The following WDR37 variants were observed in gnomAD, a reference collection of about 807,000 sequenced individuals.
WDR37 encodes the protein WD repeat domain 37, also known as WD repeat-containing protein 37.
In WDR37, 19 loss-of-function variants were observed where a neutral mutation model predicts 62.9. That is an observed-to-expected ratio of 0.30 (90% CI 0.21 to 0.44). The LOEUF (loss-of-function observed/expected upper bound fraction) is 0.44, where lower values mean the gene tolerates loss of function less well. WDR37 is among the 20% of genes least tolerant of loss of function. WDR37 has a pLI of 1.00. For missense variants in WDR37, 474 were observed against 657.6 expected (o/e 0.72, Z 3.05); for synonymous variants, 250 against 260.9 (o/e 0.96, Z 0.40).
At chr10:1,127,326 T>C (rs1269538373) in intron 13 of WDR37, among the ~76,000 whole-genome samples, 1 of 152,238 alleles carries the variant, frequency 6.6e-6, no homozygotes, top group Non-Finnish European at 1.5e-5. Context: ...CTGGGTTTAT[T>C]CCCTCCTAAA....
intron 11 of WDR37, among the ~76,000 whole-genome samples, chr10:1,119,874 C>G (rs559370869): frequency 6.6e-6 from 1 of 152,090 alleles, no homozygotes; most frequent in East Asian, 1.9e-4. Flanking sequence ...TTATTTCTGC[C>G]GAGAGGGGTT....
intron 13 of WDR37, among the ~76,000 whole-genome samples, chr10:1,126,301 G>A (rs992049789): frequency 6.6e-6 from 1 of 151,236 alleles, no homozygotes; most frequent in Non-Finnish European, 1.5e-5. Flanking sequence ...AGCTACTCGG[G>A]AGGCTGAGGC....
chr10:1,126,409 A>AAC (rs1456909545), intron 13 of WDR37, among the ~76,000 whole-genome samples: 2 of 151,154 alleles, frequency 1.3e-5, no homozygotes, highest in African/African-American at 2.4e-5. Context: ...GTGTCTCAGA[A>AAC]AAAAAAAAAA....
intron 10 of WDR37, among the ~76,000 whole-genome samples, chr10:1,104,146 G>A (rs1235323388): frequency 2.0e-5 from 3 of 152,122 alleles, no homozygotes; most frequent in African/African-American, 4.8e-5. Flanking sequence ...AGGAATTGAC[G>A]GCCTCATGGT....
At position 1,056,980 on chromosome 10, in the gene WDR37, C is replaced by T. The variant is rs1423295463; in HGVS notation, c.-41+12C>T. 6.5e-6 allele frequency: 1 copy of T among 152,698 alleles called. No individual in the cohort carries two copies. Among genetic ancestry groups the T allele is most frequent in the East Asian group, 1.9e-4 (1 of 5,204 alleles). 9.5% of individuals were successfully genotyped at this position (152,698 alleles called of 1,614,324 possible). A position where few individuals can be genotyped will look rare whatever the true frequency, so the allele number is the denominator to read the frequency against. ...AGCTGCTGTGACAGGTGAGTGCCGC[C>T]ATCTTCCTACCTGTCAGGCGCCGAG... is the stretch of plus-strand genomic sequence containing the variant. On this transcript the variant is annotated intron_variant, in intron 1 of 13. Coordinates refer to ENST00000263150, the MANE Select transcript of WDR37 (RefSeq NM_014023.4).
In WDR37 at chr10:1,086,796, T is replaced by G. The variant is rs529077239; in HGVS notation, c.604+439T>G. On this transcript the variant is annotated intron_variant, in intron 7 of 13. Transcript: ENST00000263150. ...ACGGAGTGAATGCTGTCCACGTAGT[T>G]AACGCTGTCCATGTAGTTAGTTAAC... Among the ~76,000 whole-genome samples, 3 of 148,558 alleles carry G rather than the reference T, an allele frequency of 2.0e-5. No homozygotes were observed. In the South Asian group the frequency reaches 6.4e-4, roughly 32 times the overall value.
In WDR37 at chr10:1,080,395, A is replaced by G. The variant is rs760213513; in HGVS notation, c.332-17A>G. On this transcript the variant is annotated splice_polypyrimidine_tract_variant and intron_variant, in intron 4 of 13. Transcript: ENST00000263150. ...GATTGTGTGATTGTGTTTGATTGTC[A>G]CTCTCTGTCCCTGCAGCCAGTCACA... 8.7e-6 allele frequency: 14 copies of G among 1,613,606 alleles called. No homozygotes were observed. The highest frequency in any genetic ancestry group is 1.2e-5 in the Non-Finnish European group (14 of 1,179,940).
chr10:1,064,812 G>A, intron 1 of WDR37, among the ~76,000 whole-genome samples: 1 of 151,892 alleles, frequency 6.6e-6, no homozygotes, highest in East Asian at 1.9e-4. Flanking sequence ...GGCTGGTCTT[G>A]AACTCCTGAC....
intron 11 of WDR37, among the ~76,000 whole-genome samples, chr10:1,116,273 A>G (rs1589120040): frequency 7.2e-6 from 1 of 139,716 alleles, no homozygotes; most frequent in African/African-American, 2.8e-5. Flanking sequence ...TCCATCACCC[A>G]CCCCGCCCCG....
chr10:1,126,280 T>G (rs181882603), intron 13 of WDR37, among the ~76,000 whole-genome samples: 1 of 151,438 alleles, frequency 6.6e-6, no homozygotes, highest in Admixed American at 6.6e-5. Flanking sequence ...GTGGCGGGCG[T>G]CTGTAGTCCC....
In WDR37 at chr10:1,105,389, A is replaced by G. The variant is rs1262830391; in HGVS notation, c.1103+122A>G. The G allele has an allele frequency of 6.4e-6, 8 of 1,252,156 alleles. No homozygotes were observed. The East Asian group carries it at 1.8e-4, about 28-fold the overall frequency. The allele number at this position is 1,252,156 out of a possible 1,614,324, so 77.6% of individuals were successfully genotyped here. ...GACTCTACTATCTTTCAAAAAAATA[A>G]CTACCTTTCAAATTCTGCTATTCTT... On this transcript the variant is annotated intron_variant, in intron 11 of 13. Coordinates refer to ENST00000263150, the MANE Select transcript of WDR37 (RefSeq NM_014023.4). This position sits in a 1 kb window ranked among gnomAD's most constrained non-coding sequence, Gnocchi z 5.3.
chr10:1,057,873 C>G (rs542364986), intron 1 of WDR37, among the ~76,000 whole-genome samples: 6 of 152,240 alleles, frequency 3.9e-5, no homozygotes, highest in African/African-American at 1.4e-4. Flanking sequence ...AGTATGTTGG[C>G]CTGTGAGTTA....
At chr10:1,086,221 C>G (rs1564502127) in intron 6 of WDR37, 65 bp from the exon 7 acceptor site, 9 of 1,362,824 alleles carry the variant, frequency 6.6e-6, no homozygotes, top group Non-Finnish European at 4.2e-6. Context: ...TTGTCTTATT[C>G]TTTCATTTGA....
chr10:1,076,940 C>A (rs1833896158), intron 2 of WDR37, among the ~76,000 whole-genome samples: 1 of 146,526 alleles, frequency 6.8e-6, no homozygotes, highest in South Asian at 2.1e-4. Flanking sequence ...GCGGAGCTTG[C>A]AGTGAGCCGA....
At chr10:1,094,968 T>A (rs1295751575) in intron 8 of WDR37, among the ~76,000 whole-genome samples, 1 of 143,414 alleles carries the variant, frequency 7.0e-6, no homozygotes, top group Non-Finnish European at 1.5e-5. Flanking sequence ...GAAGGGAGAG[T>A]TAGACTGAGA....
At chr10:1,059,990 C>T (rs1589069418) in intron 1 of WDR37, among the ~76,000 whole-genome samples, 1 of 152,136 alleles carries the variant, frequency 6.6e-6, no homozygotes, top group East Asian at 1.9e-4. Context: ...GAGGCGTGTA[C>T]CATCACGCCC....
chr10:1,062,390 A>T (rs1046576316), intron 1 of WDR37, among the ~76,000 whole-genome samples: 1 of 152,208 alleles, frequency 6.6e-6, no homozygotes, highest in African/African-American at 2.4e-5. Flanking sequence ...TGATATTGTA[A>T]TCTCTGCATT....
chr10:1,093,746 C>T (rs982372416), intron 8 of WDR37, among the ~76,000 whole-genome samples: 4 of 152,180 alleles, frequency 2.6e-5, no homozygotes, highest in African/African-American at 9.7e-5. Flanking sequence ...CGAAGCCTTT[C>T]CGTACAGCAT....
rs1277245027 is a variant in WDR37, at chr10:1,103,756, A to C, written c.881A>C (p.Lys294Thr). The change falls in exon 10 of 14, where the codon AAG becomes ACG. Residue 294 changes from lysine (K) to threonine (T), a missense_variant. By Grantham distance (78) the Lys-to-Thr change is moderately conservative. Transcript: ENST00000263150. This position sits in a 1 kb window ranked among gnomAD's most constrained non-coding sequence, Gnocchi z 6.3. ...VIASDWLVGGKQAVTASWDRT... is the reference protein window; with the variant it reads ...VIASDWLVGGTQAVTASWDRT... ...GCCTCCGACTGGCTGGTTGGGGGGA[A>C]GCAGGCTGTGACTGCCTCCTGGGAC... The C allele has an allele frequency of 5.6e-6, 9 of 1,614,248 alleles. No homozygotes were observed. The highest frequency in any genetic ancestry group is 7.6e-6 in the Non-Finnish European group (9 of 1,180,040).
Sources: allele counts gnomAD v4.1 joint callset (sites outside exome capture counted in the v4.1 genomes callset), GRCh38; gene constraint gnomAD v4.1.1; non-coding constraint Gnocchi (gnomAD v3.1); transcripts MANE v1.5; gene names NCBI Gene and HGNC (gene_info 2026-07-23, HGNC 2026-07-21).